AGMO: variants seen among roughly 807,000 people sequenced by gnomAD.
The protein encoded by AGMO is glyceryl-ether monooxygenase.
Under a neutral mutation model 60.2 loss-of-function variants are expected in AGMO, and 75 were observed. The ratio of observed to expected loss-of-function variants is 1.25; its 90% CI spans 1.03 to 1.51. The LOEUF (loss-of-function observed/expected upper bound fraction) is 1.51. Ranked by LOEUF, AGMO falls within the 40% of genes most tolerant of loss-of-function variation. AGMO has a pLI of 0.00. For synonymous variants in AGMO, 261 were observed against 177.1 expected (o/e 1.47, Z -3.76); for missense variants, 763 against 525.5 (o/e 1.45, Z -4.42).
chr7:15,244,069 A>G (rs1346958773), intron 12 of AGMO, among the ~76,000 whole-genome samples: 1 of 152,180 alleles, frequency 6.6e-6, no homozygotes, highest in African/African-American at 2.4e-5. Flanking sequence ...CATTTTGTTC[A>G]GATCTCCTAG....
intron 12 of AGMO, among the ~76,000 whole-genome samples, chr7:15,251,935 AAT>A (rs1218048598): frequency 6.6e-6 from 1 of 152,184 alleles, no homozygotes; most frequent in African/African-American, 2.4e-5. Context: ...CCCAAAATAT[AAT>A]ATGTTTACCA....
Position 15,354,510 on chromosome 7 carries a change from A to G in AGMO, c.1263+11004T>C, listed in dbSNP as rs866683149. Among the ~76,000 whole-genome samples, 236 of 77,288 alleles carry G rather than the reference A, an allele frequency of 3.1e-3. 21 individuals are homozygous for G. In the East Asian group the frequency reaches 0.052, roughly 17 times the overall value. The allele number at this position is 77,288 out of a possible 152,430, so 50.7% of individuals were successfully genotyped here. A position where few individuals can be genotyped will look rare whatever the true frequency, so the allele number is the denominator to read the frequency against. On this transcript the variant is annotated intron_variant, in intron 12 of 12. Coordinates refer to ENST00000342526, the MANE Select transcript of AGMO (RefSeq NM_001004320.2). ...TATACACACGTGTATATATATATAT[A>G]TATATATATATATATATATATATAT...
rs1780925986 is a variant in AGMO at position 15,421,567 on chromosome 7, TG to T, written c.514-2915del. 3.3e-5 allele frequency among the ~76,000 whole-genome samples: 5 copies of T among 152,278 alleles called. No individual in the cohort carries two copies. The South Asian group carries it at 1.0e-3, about 32-fold the overall frequency. The stretch of plus-strand genomic sequence containing the variant: ...GCAACAGATTTAAGGATTTGGCAGC[TG>T]TTAAACATAGGAGTTGAGAGGTAAA... On this transcript the variant is annotated intron_variant, in intron 4 of 12. Transcript: ENST00000342526.
chr7:15,466,061 C>T (rs978357489), intron 3 of AGMO, among the ~76,000 whole-genome samples: 1 of 152,114 alleles, frequency 6.6e-6, no homozygotes, highest in Admixed American at 6.6e-5. Flanking sequence ...GGACCAAAAT[C>T]TTGGTCCTTA....
chr7:15,138,028 G>A, the AGMO span, among the ~76,000 whole-genome samples: 9 of 152,086 alleles, frequency 5.9e-5, no homozygotes, highest in East Asian at 5.8e-4. Context: ...TATTATCCTC[G>A]CTTTCCCCCC....
intron 1 of AGMO, among the ~76,000 whole-genome samples, chr7:15,561,190 A>G (rs1327729272): frequency 6.6e-6 from 1 of 152,176 alleles, no homozygotes; most frequent in East Asian, 1.9e-4. Flanking sequence ...CATAGCCAGG[A>G]ACCAGAAGTG....
intron 3 of AGMO, among the ~76,000 whole-genome samples, chr7:15,466,342 G>A (rs940711564): frequency 1.4e-4 from 22 of 152,142 alleles, no homozygotes; most frequent in African/African-American, 5.1e-4. Flanking sequence ...CATCCTTGCT[G>A]CTCGTAAGCA....
chr7:15,214,028 C>T (rs1781667568), intron 12 of AGMO, among the ~76,000 whole-genome samples: 1 of 151,826 alleles, frequency 6.6e-6, no homozygotes. Flanking sequence ...CAAAATTAAA[C>T]CTTTAAAATA....
intron 12 of AGMO, among the ~76,000 whole-genome samples, chr7:15,333,201 A>T (rs1005763618): frequency 6.6e-6 from 1 of 152,136 alleles, no homozygotes; most frequent in Non-Finnish European, 1.5e-5. Flanking sequence ...AGGTGTCAAG[A>T]CTCAGCAACA....
chr7:15,376,935 T>G (rs1443691863), intron 10 of AGMO, among the ~76,000 whole-genome samples: 1 of 151,516 alleles, frequency 6.6e-6, no homozygotes. Context: ...GCCATCAAAT[T>G]GCTCTCTTGA....
chr7:15,340,902 G>A lies in AGMO; in HGVS notation c.1263+24612C>T, dbSNP rs187376946. Among the ~76,000 whole-genome samples the A allele has an allele frequency of 1.6e-4, 24 of 152,250 alleles. No homozygotes were observed. The East Asian group carries it at 4.3e-3, about 27-fold the overall frequency. On this transcript the variant is annotated intron_variant, in intron 12 of 12. Transcript: ENST00000342526. ...CCACCGTTCTCGAGACCGCAGAATG[G>A]TAGATTCACTGACAGCTTGCACCAT...
rs368430933 is a variant in AGMO, at chr7:15,385,575, G to A, written c.958-13C>T. On this transcript the variant is annotated splice_polypyrimidine_tract_variant and intron_variant, in intron 9 of 12. Transcript: ENST00000342526. Reference sequence around the variant, plus strand: ...CTTTGCCGGTGACCTAGGGAGACAAGAACCATTTCCTTTATATTGCTCCAG... The same window carrying A: ...CTTTGCCGGTGACCTAGGGAGACAAAAACCATTTCCTTTATATTGCTCCAG... 1.0e-4 allele frequency: 152 copies of A among 1,478,570 alleles called. 2 individuals are homozygous for A. In the Middle Eastern group the frequency reaches 3.3e-3, roughly 32 times the overall value. The allele number at this position is 1,478,570 out of a possible 1,614,324, so 91.6% of individuals were successfully genotyped here.
At chr7:15,280,044 T>G (rs909313772) in intron 12 of AGMO, among the ~76,000 whole-genome samples, 4 of 152,092 alleles carry the variant, frequency 2.6e-5, no homozygotes. Context: ...TAATCTCAAT[T>G]GAGGATGAAC....
chr7:15,508,166 G>A (rs1783571099), intron 3 of AGMO, among the ~76,000 whole-genome samples: 1 of 152,058 alleles, frequency 6.6e-6, no homozygotes, highest in Non-Finnish European at 1.5e-5. Context: ...CCTAGAAAAT[G>A]CAAGCAGGTA....
intron 3 of AGMO, among the ~76,000 whole-genome samples, chr7:15,529,744 ATATATTT>A (rs1356355668): frequency 7.0e-5 from 8 of 113,538 alleles, no homozygotes; most frequent in African/African-American, 2.8e-4. Context: ...TATTCTATAT[ATATATTT>A]CTATATATAT....
rs904382185 is a variant in AGMO, at chr7:15,306,641, C to A, written c.1263+58873G>T. On this transcript the variant is annotated intron_variant, in intron 12 of 12. Transcript: ENST00000342526. ...GCTAAAAAGTTAATATGGTTTATGG[C>A]ACTATTAAGGATTGTTAATGCTTCA... The A allele has an allele frequency of 2.0e-5, 8 of 393,922 alleles. No homozygotes were observed. The East Asian group carries it at 5.4e-4, about 27-fold the overall frequency. The allele number at this position is 393,922 out of a possible 1,614,324, so 24.4% of individuals were successfully genotyped here.
At chr7:15,329,065 C>G (rs1215307749) in intron 12 of AGMO, among the ~76,000 whole-genome samples, 1 of 152,114 alleles carries the variant, frequency 6.6e-6, no homozygotes, top group Non-Finnish European at 1.5e-5. Flanking sequence ...CCCTGCACCT[C>G]AAAAGTGCTT....
At chr7:15,202,323 G>A (rs970502485) in intron 12 of AGMO, among the ~76,000 whole-genome samples, 4 of 151,852 alleles carry the variant, frequency 2.6e-5, no homozygotes, top group South Asian at 4.2e-4. Flanking sequence ...ATTCTGGTGT[G>A]GGGAACTCCG....
the AGMO span, among the ~76,000 whole-genome samples, chr7:15,119,512 A>G: frequency 6.6e-6 from 1 of 151,516 alleles, no homozygotes; most frequent in Admixed American, 6.8e-5. Context: ...AAGGTCAGTC[A>G]TCATAAACAT....
Sources: allele counts gnomAD v4.1 joint callset (sites outside exome capture counted in the v4.1 genomes callset), GRCh38; gene constraint gnomAD v4.1.1; transcripts MANE v1.5; gene names NCBI Gene and HGNC (gene_info 2026-07-23, HGNC 2026-07-21).